Variants in NEK1 observed in about 807,000 individuals in gnomAD.
NEK1 encodes serine/threonine-protein kinase Nek1.
A neutral mutation model predicts 182.1 loss-of-function variants in NEK1; 137 were observed. The ratio of observed to expected loss-of-function variants is 0.75; its 90% CI spans 0.65 to 0.87. The LOEUF is 0.87. NEK1 is among the 40% of genes least tolerant of loss of function. The pLI, the probability that NEK1 is intolerant of heterozygous loss-of-function variation, is 0.00. For synonymous variants in NEK1, 513 were observed against 492.2 expected (o/e 1.04, Z -0.56); for missense variants, 1,391 against 1,494.4 (o/e 0.93, Z 1.14).
At chr4:169,600,660 T>G (rs1313968870) in intron 4 of NEK1, among the ~76,000 whole-genome samples, 6 of 152,110 alleles carry the variant, frequency 3.9e-5, no homozygotes, top group Non-Finnish European at 8.8e-5. Flanking sequence ...CCTGGAAAGA[T>G]CATCCAAATA....
intron 18 of NEK1, among the ~76,000 whole-genome samples, chr4:169,545,438 T>C (rs1250172208): frequency 6.6e-6 from 1 of 151,018 alleles, no homozygotes; most frequent in Non-Finnish European, 1.5e-5. Flanking sequence ...ATTTTCTTAA[T>C]CCAGTCTATC....
At chr4:169,555,314 CAA>C (rs987053917) in intron 18 of NEK1, 1 of 197,350 alleles carries the variant, frequency 5.1e-6, no homozygotes, top group East Asian at 1.5e-4. Context: ...GCTAAGACAA[CAA>C]AGAGAAAAGT....
At chr4:169,534,220 CAT>C (rs1275771164) in intron 19 of NEK1, among the ~76,000 whole-genome samples, 1 of 152,178 alleles carries the variant, frequency 6.6e-6, no homozygotes, top group Admixed American at 6.5e-5. Context: ...CTGAACAAAG[CAT>C]ATGAAATGGT....
At chr4:169,594,366 C>T (rs73864724) in intron 5 of NEK1, among the ~76,000 whole-genome samples, 2,003 of 152,156 alleles carry the variant, frequency 0.013, 40 homozygotes, top group African/African-American at 0.045. Context: ...GCTTTTATTG[C>T]CAAACATTAT....
chr4:169,414,065 T>G (rs1734107505), intron 31 of NEK1, among the ~76,000 whole-genome samples: 2 of 152,202 alleles, frequency 1.3e-5, no homozygotes, highest in African/African-American at 4.8e-5. Flanking sequence ...AGTAACTATA[T>G]GTCAAGCAGC....
In NEK1 at chr4:169,576,961, T is replaced by G; in HGVS notation, c.987A>C (p.Leu329Phe). 1 of 1,611,472 alleles carries G rather than the reference T, an allele frequency of 6.2e-7. No individual in the cohort carries two copies. Among genetic ancestry groups the G allele is most frequent in the South Asian group, 1.1e-5 (1 of 90,850 alleles). Reference protein sequence around the residue: ...LAYKKYGDKKLHEKKPLQKHK... With the variant: ...LAYKKYGDKKFHEKKPLQKHK... ...GTTTTTGCAGTGGTTTCTTTTCGTGTAATTTTTTATCTCCATATTTCTTAT... is the reference window on the plus strand; with the variant it reads ...GTTTTTGCAGTGGTTTCTTTTCGTGGAATTTTTTATCTCCATATTTCTTAT... Residue 329 changes from leucine to phenylalanine, a missense_variant, in exon 12 of 36, where the codon TTA (leucine) becomes TTC (phenylalanine). Transcript: ENST00000507142.
Position 169,533,109 on chromosome 4 carries a change from T to C in NEK1, c.1665+4700A>G, listed in dbSNP as rs149195715. ...GTTTCTGTTATCTCCCTGTACTCCA[T>C]TGGGTCAACCCTGCATAATTCCCAG... is the stretch of plus-strand genomic sequence containing the variant. On this transcript the variant is annotated intron_variant, in intron 19 of 35. Coordinates refer to ENST00000507142, the MANE Select transcript of NEK1 (RefSeq NM_001199397.3). Among the ~76,000 whole-genome samples, 692 of 152,354 alleles carry C rather than the reference T, an allele frequency of 4.5e-3. 7 individuals carry two copies. Among genetic ancestry groups the C allele is most frequent in the Non-Finnish European group, 7.7e-3 (521 of 68,028 alleles).
intron 2 of NEK1, among the ~76,000 whole-genome samples, chr4:169,606,311 T>C (rs971305452): frequency 6.0e-5 from 9 of 149,892 alleles, no homozygotes; most frequent in African/African-American, 2.2e-4. Context: ...CTGAGGAACA[T>C]GACTTTAAAG....
intron 18 of NEK1, among the ~76,000 whole-genome samples, chr4:169,542,045 T>C (rs1333525020): frequency 6.6e-6 from 1 of 152,206 alleles, no homozygotes; most frequent in African/African-American, 2.4e-5. Flanking sequence ...TTTATTACAC[T>C]TTAAGTTCTG....
chr4:169,527,797 T>C (rs1270095413), intron 19 of NEK1, among the ~76,000 whole-genome samples: 1 of 152,102 alleles, frequency 6.6e-6, no homozygotes, highest in African/African-American at 2.4e-5. Flanking sequence ...GAATGTGAGA[T>C]GTAAATCCTA....
intron 27 of NEK1, among the ~76,000 whole-genome samples, chr4:169,458,693 T>C (rs1283532222): frequency 1.3e-5 from 2 of 151,800 alleles, no homozygotes; most frequent in Admixed American, 1.3e-4. Context: ...CCAGGCATGG[T>C]GGTGCATACC....
intron 23 of NEK1, among the ~76,000 whole-genome samples, chr4:169,480,867 T>C (rs1747865988): frequency 6.6e-6 from 1 of 152,196 alleles, no homozygotes; most frequent in African/African-American, 2.4e-5. Context: ...CGTAAGCCAC[T>C]GTGCCCAGCC....
At chr4:169,415,914 G>A (rs750825741) in intron 31 of NEK1, among the ~76,000 whole-genome samples, 1 of 152,126 alleles carries the variant, frequency 6.6e-6, no homozygotes, top group Admixed American at 6.5e-5. Context: ...CTCTAAACAC[G>A]TGGCTAAGGA....
At chr4:169,544,493 G>A (rs1760020062) in intron 18 of NEK1, among the ~76,000 whole-genome samples, 1 of 152,046 alleles carries the variant, frequency 6.6e-6, no homozygotes, top group African/African-American at 2.4e-5. Flanking sequence ...AAATGAGCTA[G>A]GGAGGATTCC....
Position 169,479,536 on chromosome 4 carries a change from T to C in NEK1, c.2008-2A>G. The stretch of plus-strand genomic sequence containing the variant: ...ACTCTTAACTCCTTTAGCCACCAAC[T>C]ATAAAAAAGGATTTTATTAAATACA... On this transcript the variant is annotated splice_acceptor_variant, in intron 23 of 35. Coordinates refer to ENST00000507142, the MANE Select transcript of NEK1 (RefSeq NM_001199397.3). LOFTEE classifies it high-confidence loss of function. The C allele has an allele frequency of 6.3e-7, 1 of 1,590,826 alleles. No individual in the cohort carries two copies. Among genetic ancestry groups the C allele is most frequent in the Non-Finnish European group, 8.5e-7 (1 of 1,171,594 alleles).
At chr4:169,420,631 G>T (rs538941849) in intron 31 of NEK1, among the ~76,000 whole-genome samples, 1 of 152,136 alleles carries the variant, frequency 6.6e-6, no homozygotes, top group Non-Finnish European at 1.5e-5. Flanking sequence ...GTCATTATGT[G>T]ATGCATGACT....
At chr4:169,404,775 G>GA (rs145890142) in intron 32 of NEK1, among the ~76,000 whole-genome samples, 3,281 of 112,788 alleles carry the variant, frequency 0.029, 53 homozygotes, top group Middle Eastern at 0.15. Flanking sequence ...TTTTTTTATG[G>GA]AAAAAAATTT....
At chr4:169,494,893 C>A (rs1750865595) in intron 23 of NEK1, among the ~76,000 whole-genome samples, 1 of 152,290 alleles carries the variant, frequency 6.6e-6, no homozygotes, top group South Asian at 2.1e-4. Flanking sequence ...GCAGAAATGT[C>A]TTCTTTTGAG....
intron 26 of NEK1, among the ~76,000 whole-genome samples, chr4:169,467,710 C>T (rs1745189715): frequency 6.6e-6 from 1 of 151,804 alleles, no homozygotes; most frequent in Non-Finnish European, 1.5e-5. Context: ...AATCCAATCA[C>T]ATTAATAATC....
Sources: gnomAD v4.1 joint callset for allele counts (sites outside exome capture counted in the v4.1 genomes callset) on GRCh38, gnomAD v4.1.1 for gene constraint, MANE v1.5 for transcripts, NCBI Gene and HGNC (gene_info 2026-07-23, HGNC 2026-07-21) for gene names.